The following ZNF469 variants were observed in gnomAD, a reference collection of about 807,000 sequenced individuals.
The protein encoded by ZNF469 is zinc finger protein 469.
Under a neutral mutation model 1.0 loss-of-function variants are expected in ZNF469, and 1 was observed. That is an observed-to-expected ratio of 1.00 (90% CI 0.35 to 4.73). ZNF469 has a LOEUF of 4.73. Among genes scored for constraint, ZNF469 ranks in the 30% most tolerant of loss-of-function variants. The pLI is 0.16. For missense variants in ZNF469, 6,100 were observed against 5,356.3 expected (o/e 1.14, Z -4.33); for synonymous variants, 2,703 against 2,363.4 (o/e 1.14, Z -4.17).
At chr16:88,346,273 C>T in the ZNF469 span, among the ~76,000 whole-genome samples, 1 of 152,340 alleles carries the variant, frequency 6.6e-6, no homozygotes, top group East Asian at 1.9e-4. Context: ...CTGGCCCGTT[C>T]ATCTCGGGAG....
chr16:88,137,263 C>G, the ZNF469 span, among the ~76,000 whole-genome samples: 1 of 152,144 alleles, frequency 6.6e-6, no homozygotes, highest in African/African-American at 2.4e-5. Context: ...ATGTGTAAAA[C>G]CATGTGTGTG....
the ZNF469 span, among the ~76,000 whole-genome samples, chr16:88,355,615 A>C: frequency 6.6e-6 from 1 of 152,196 alleles, no homozygotes; most frequent in Non-Finnish European, 1.5e-5. Flanking sequence ...CTGTGAGTCC[A>C]CAGGCAGCAG....
chr16:88,368,419 G>A, the ZNF469 span, among the ~76,000 whole-genome samples: 1 of 152,208 alleles, frequency 6.6e-6, no homozygotes, highest in Non-Finnish European at 1.5e-5. Context: ...GCGAGGTGGG[G>A]GGCTCCATCC....
the ZNF469 span, among the ~76,000 whole-genome samples, chr16:88,367,688 C>T: frequency 1.3e-5 from 2 of 152,186 alleles, no homozygotes; most frequent in African/African-American, 4.8e-5. Context: ...CTCCATTATG[C>T]ACCAGGCCCC....
chr16:88,130,520 A>G, the ZNF469 span, among the ~76,000 whole-genome samples: 17 of 152,172 alleles, frequency 1.1e-4, no homozygotes, highest in Admixed American at 7.2e-4. Context: ...AGCCTGGCCA[A>G]TATGGTGAAA....
At chr16:88,157,072 T>C in the ZNF469 span, among the ~76,000 whole-genome samples, 1 of 152,224 alleles carries the variant, frequency 6.6e-6, no homozygotes, top group African/African-American at 2.4e-5. Context: ...ATGCAGCCGA[T>C]GCAGGGATGC....
chr16:88,294,759 A>G, the ZNF469 span: 1 of 152,428 alleles, frequency 6.6e-6, no homozygotes, highest in Non-Finnish European at 1.5e-5. Context: ...TGGAAGAGCA[A>G]GGGGTGAAGA....
the ZNF469 span, among the ~76,000 whole-genome samples, chr16:88,372,455 C>A: frequency 3.3e-5 from 5 of 149,958 alleles, no homozygotes; most frequent in African/African-American, 1.2e-4. Flanking sequence ...ACCATCATCA[C>A]CATCACTACC....
chr16:88,423,535 G>A (rs1040144646), intron 1 of ZNF469, among the ~76,000 whole-genome samples: 8 of 152,176 alleles, frequency 5.3e-5, no homozygotes, highest in Non-Finnish European at 1.2e-4. Context: ...AGAACAGACT[G>A]AAACAACAAA....
At chr16:88,245,436 C>A in the ZNF469 span, among the ~76,000 whole-genome samples, 7 of 152,274 alleles carry the variant, frequency 4.6e-5, no homozygotes, top group Non-Finnish European at 7.3e-5. Flanking sequence ...CGTCCTCCCG[C>A]AGCCGCTGTG....
At chr16:88,118,001 G>A in the ZNF469 span, among the ~76,000 whole-genome samples, 2 of 152,342 alleles carry the variant, frequency 1.3e-5, no homozygotes, top group African/African-American at 4.8e-5. Flanking sequence ...GGAGTGCAGT[G>A]GCACGATCTC....
chr16:88,213,724 G>A, the ZNF469 span, among the ~76,000 whole-genome samples: 1 of 152,128 alleles, frequency 6.6e-6, no homozygotes, highest in African/African-American at 2.4e-5. Flanking sequence ...AGCTTTTCCG[G>A]GAGTCAGGGC....
chr16:88,382,612 G>A (rs1372634264), upstream of ZNF469, among the ~76,000 whole-genome samples: 1 of 152,246 alleles, frequency 6.6e-6, no homozygotes, highest in Non-Finnish European at 1.5e-5. Flanking sequence ...CTCCTAGACA[G>A]AAGCACAGGG....
the ZNF469 span, among the ~76,000 whole-genome samples, chr16:88,271,006 A>G: frequency 6.6e-6 from 1 of 152,212 alleles, no homozygotes; most frequent in Non-Finnish European, 1.5e-5. Flanking sequence ...CTGGAATCAG[A>G]CAGGCCTGGG....
At chr16:88,217,393 T>A in the ZNF469 span, among the ~76,000 whole-genome samples, 5 of 152,226 alleles carry the variant, frequency 3.3e-5, no homozygotes, top group African/African-American at 1.2e-4. Context: ...CAGTCTTTCA[T>A]GGGTCCTGAA....
intron 1 of ZNF469, among the ~76,000 whole-genome samples, chr16:88,414,849 C>A (rs1306554485): frequency 6.6e-6 from 1 of 152,274 alleles, no homozygotes; most frequent in African/African-American, 2.4e-5. Context: ...CCGGCCCTGC[C>A]TTCCCAGGGC....
chr16:88,272,511 G>T, the ZNF469 span, among the ~76,000 whole-genome samples: 7 of 80,998 alleles, frequency 8.6e-5, no homozygotes, highest in Non-Finnish European at 2.2e-4. Context: ...AATGAACAGG[G>T]GGGTGTATGG....
At chr16:88,364,981 A>G in the ZNF469 span, among the ~76,000 whole-genome samples, 1 of 152,152 alleles carries the variant, frequency 6.6e-6, no homozygotes, top group African/African-American at 2.4e-5. Flanking sequence ...AAATAAATAA[A>G]TGAGTGAATA....
the ZNF469 span, among the ~76,000 whole-genome samples, chr16:88,104,145 G>C: frequency 1.3e-5 from 2 of 151,448 alleles, no homozygotes; most frequent in South Asian, 4.2e-4. Flanking sequence ...GGACATCAGA[G>C]AGGTTAAGAC....
Sources: allele counts gnomAD v4.1 joint callset (sites outside exome capture counted in the v4.1 genomes callset), GRCh38; gene constraint gnomAD v4.1.1; transcripts MANE v1.5; gene names NCBI Gene and HGNC (gene_info 2026-07-23, HGNC 2026-07-21).